The following CHMP4B variants were observed in gnomAD, a reference collection of about 807,000 sequenced individuals.
CHMP4B encodes SNF7 homolog associated with Alix 1.
A neutral mutation model predicts 25.1 loss-of-function variants in CHMP4B; 1 was observed. The observed-to-expected ratio is 0.04, with a 90% CI of 0.01 to 0.19. CHMP4B has a LOEUF of 0.19. CHMP4B is among the 10% of genes least tolerant of loss of function. CHMP4B has a pLI of 1.00. For synonymous variants in CHMP4B, 101 were observed against 115.6 expected (o/e 0.87, Z 0.81); for missense variants, 151 against 289.7 (o/e 0.52, Z 3.48).
chr20:33,817,176 A>G (rs1171383703), intron 1 of CHMP4B, among the ~76,000 whole-genome samples: 1 of 152,196 alleles, frequency 6.6e-6, no homozygotes, highest in African/African-American at 2.4e-5. Flanking sequence ...AAATCCACCC[A>G]GGGAAGTGAG....
chr20:33,831,480 T>C (rs1486002362), intron 1 of CHMP4B, among the ~76,000 whole-genome samples: 1 of 152,232 alleles, frequency 6.6e-6, no homozygotes, highest in African/African-American at 2.4e-5. Flanking sequence ...TCCGCCCACC[T>C]TGGCCTCCCA....
chr20:33,827,266 CA>C (rs1487692034), intron 1 of CHMP4B, among the ~76,000 whole-genome samples: 1 of 152,174 alleles, frequency 6.6e-6, no homozygotes, highest in African/African-American at 2.4e-5. Flanking sequence ...TTTGTTTTGT[CA>C]ACAACAAAAT....
chr20:33,827,251 G>A (rs1437818965), intron 1 of CHMP4B, among the ~76,000 whole-genome samples: 1 of 152,168 alleles, frequency 6.6e-6, no homozygotes, highest in East Asian at 1.9e-4. Context: ...TCCTACCTCT[G>A]GGCCTTTGTT....
At chr20:33,841,186 A>C (rs1979531801) in intron 1 of CHMP4B, among the ~76,000 whole-genome samples, 1 of 152,204 alleles carries the variant, frequency 6.6e-6, no homozygotes, top group South Asian at 2.1e-4. Flanking sequence ...TTTCCCTTGC[A>C]GTGAGTACTG....
At chr20:33,833,626 A>G (rs991440238) in intron 1 of CHMP4B, among the ~76,000 whole-genome samples, 2 of 152,070 alleles carry the variant, frequency 1.3e-5, no homozygotes, top group African/African-American at 4.8e-5. Flanking sequence ...CAGCTCCTTA[A>G]CAAGACATCC....
chr20:33,818,583 G>A (rs917459147), intron 1 of CHMP4B, among the ~76,000 whole-genome samples: 3 of 152,218 alleles, frequency 2.0e-5, no homozygotes, highest in African/African-American at 7.2e-5. Flanking sequence ...TCTGCTACAG[G>A]TTGGGATAAT....
At chr20:33,824,793 T>A (rs1024967269) in intron 1 of CHMP4B, among the ~76,000 whole-genome samples, 4 of 148,836 alleles carry the variant, frequency 2.7e-5, no homozygotes, top group Non-Finnish European at 5.9e-5. Flanking sequence ...CCCCATCCAG[T>A]TGTGACAACA....
intron 1 of CHMP4B, among the ~76,000 whole-genome samples, chr20:33,820,519 A>G (rs1487977506): frequency 6.6e-6 from 1 of 152,206 alleles, no homozygotes; most frequent in African/African-American, 2.4e-5. Context: ...TGCTGAGTAA[A>G]TGCAGATGAA....
chr20:33,827,710 T>G (rs1444053007), intron 1 of CHMP4B, among the ~76,000 whole-genome samples: 1 of 152,220 alleles, frequency 6.6e-6, no homozygotes, highest in African/African-American at 2.4e-5. Flanking sequence ...AAATTTCTGT[T>G]GGGGCTCAGC....
rs551738214 is a variant in CHMP4B at position 33,838,993 on chromosome 20, T to C, written c.191-9474T>C. Among the ~76,000 whole-genome samples, 4 of 152,300 alleles carry C rather than the reference T, an allele frequency of 2.6e-5. No homozygotes were observed. The South Asian group carries it at 6.2e-4, about 24-fold the overall frequency. The stretch of plus-strand genomic sequence containing the variant: ...GCTGACCCAGTCTGGAATAATCTGC[T>C]GCTTACTTTGGGTCTCTGCTACTTC... On this transcript the variant is annotated intron_variant, in intron 1 of 4. Coordinates refer to ENST00000217402, the MANE Select transcript of CHMP4B (RefSeq NM_176812.5).
intron 1 of CHMP4B, among the ~76,000 whole-genome samples, chr20:33,841,450 T>C (rs1304036683): frequency 6.6e-6 from 1 of 152,234 alleles, no homozygotes; most frequent in African/African-American, 2.4e-5. Context: ...CCAAGGCTTT[T>C]GCAGGATGAG....
At chr20:33,836,103 A>C (rs866939762) in intron 1 of CHMP4B, among the ~76,000 whole-genome samples, 1 of 152,198 alleles carries the variant, frequency 6.6e-6, no homozygotes, top group East Asian at 1.9e-4. Context: ...TTTTAAGCAT[A>C]TAGACTATAG....
chr20:33,815,773 G>A (rs950882469), intron 1 of CHMP4B, among the ~76,000 whole-genome samples: 2 of 152,150 alleles, frequency 1.3e-5, no homozygotes, highest in Admixed American at 6.5e-5. Flanking sequence ...GGCTCACGAC[G>A]GGACGAACTC....
intron 1 of CHMP4B, among the ~76,000 whole-genome samples, chr20:33,819,995 A>T (rs543410629): frequency 6.6e-6 from 1 of 151,218 alleles, no homozygotes; most frequent in South Asian, 2.1e-4. Flanking sequence ...GTGAAACCCC[A>T]TCTCTACTAA....
chr20:33,824,009 T>C (rs544310892), intron 1 of CHMP4B, among the ~76,000 whole-genome samples: 34 of 152,190 alleles, frequency 2.2e-4, no homozygotes, highest in Non-Finnish European at 4.3e-4. Context: ...GCTCGTAATT[T>C]ATCAATAGAC....
At chr20:33,842,528 C>T (rs1381698171) in intron 1 of CHMP4B, among the ~76,000 whole-genome samples, 1 of 152,176 alleles carries the variant, frequency 6.6e-6, no homozygotes, top group African/African-American at 2.4e-5. Flanking sequence ...AAAGTGGGGC[C>T]CCCTCAGCCT....
intron 1 of CHMP4B, among the ~76,000 whole-genome samples, chr20:33,834,960 G>A (rs770197576): frequency 6.6e-6 from 1 of 151,876 alleles, no homozygotes; most frequent in Non-Finnish European, 1.5e-5. Context: ...ACGCCACCAC[G>A]CCCAGCTAAT....
chr20:33,847,691 G>T (rs13041078), intron 1 of CHMP4B, among the ~76,000 whole-genome samples: 72,209 of 151,882 alleles, frequency 0.48, 18,144 homozygotes, highest in East Asian at 0.9. Context: ...TTTGGCCGTG[G>T]CAAGGAGTTC....
intron 1 of CHMP4B, among the ~76,000 whole-genome samples, chr20:33,839,945 A>G (rs1277726280): frequency 6.6e-6 from 1 of 152,200 alleles, no homozygotes; most frequent in Non-Finnish European, 1.5e-5. Flanking sequence ...TGAGCATGGA[A>G]AGTATCAATT....
Sources: gnomAD v4.1 joint callset for allele counts (sites outside exome capture counted in the v4.1 genomes callset) on GRCh38, gnomAD v4.1.1 for gene constraint, MANE v1.5 for transcripts, NCBI Gene and HGNC (gene_info 2026-07-23, HGNC 2026-07-21) for gene names.